TMPRSS15: variants seen among roughly 807,000 people sequenced by gnomAD.
The protein encoded by TMPRSS15 is enteropeptidase.
In TMPRSS15, 128 loss-of-function variants were observed where a neutral mutation model predicts 125.3. The observed-to-expected ratio is 1.02, with a 90% CI of 0.89 to 1.18. The LOEUF is 1.18. Ranked by LOEUF, TMPRSS15 falls within the 50% of genes most tolerant of loss-of-function variation. TMPRSS15 has a pLI of 0.00. For missense variants in TMPRSS15, 1,283 were observed against 1,212.7 expected (o/e 1.06, Z -0.86); for synonymous variants, 446 against 423.2 (o/e 1.05, Z -0.66).
intron 8 of TMPRSS15, among the ~76,000 whole-genome samples, chr21:18,354,597 G>A (rs1351714575): frequency 6.6e-6 from 1 of 151,412 alleles, no homozygotes; most frequent in East Asian, 1.9e-4. Flanking sequence ...TGGTTTTGAG[G>A]GAGAAAAACA....
intron 3 of TMPRSS15, 62 bp downstream of exon 3, chr21:18,397,817 A>G: frequency 1.0e-6 from 1 of 956,426 alleles, no homozygotes; most frequent in South Asian, 1.6e-5. Context: ...ATGCTATTTT[A>G]CAAATATTAG....
chr21:18,405,730 G>T (rs763635760), upstream of TMPRSS15, among the ~76,000 whole-genome samples: 12 of 151,990 alleles, frequency 7.9e-5, no homozygotes, highest in Non-Finnish European at 1.6e-4. Context: ...ATCTCACACC[G>T]TGAAGAGACA....
At chr21:18,361,947 T>C (rs996250195) in intron 7 of TMPRSS15, among the ~76,000 whole-genome samples, 7 of 151,904 alleles carry the variant, frequency 4.6e-5, no homozygotes, top group African/African-American at 1.5e-4. Context: ...GATTCAGCAG[T>C]TCCAGAGTGT....
intron 1 of TMPRSS15, among the ~76,000 whole-genome samples, chr21:18,462,784 A>T (rs1423000982): frequency 3.3e-5 from 5 of 152,092 alleles, no homozygotes. Flanking sequence ...TGAAGGAAAA[A>T]AAAATTTTAA....
At chr21:18,271,940 G>GGT (rs2074561883) in intron 24 of TMPRSS15, among the ~76,000 whole-genome samples, 2 of 152,042 alleles carry the variant, frequency 1.3e-5, no homozygotes, top group East Asian at 1.9e-4. Flanking sequence ...AGTATCCCAT[G>GGT]GTGTATATGT....
intron 21 of TMPRSS15, among the ~76,000 whole-genome samples, chr21:18,290,987 T>G (rs2146891657): frequency 6.6e-6 from 1 of 152,332 alleles, no homozygotes; most frequent in Admixed American, 6.5e-5. Flanking sequence ...TATAAAAATT[T>G]CATAAAATAA....
chr21:18,474,932 C>T (rs965894122), intron 1 of TMPRSS15, among the ~76,000 whole-genome samples: 1 of 152,132 alleles, frequency 6.6e-6, no homozygotes, highest in Non-Finnish European at 1.5e-5. Context: ...ATTTATCAGC[C>T]TCCCCACAGA....
At chr21:18,327,735 G>A (rs2146963495) in intron 15 of TMPRSS15, among the ~76,000 whole-genome samples, 1 of 135,224 alleles carries the variant, frequency 7.4e-6, no homozygotes, top group Non-Finnish European at 1.6e-5. Flanking sequence ...CACTTTTTTT[G>A]TGTGTGGGAG....
intron 1 of TMPRSS15, among the ~76,000 whole-genome samples, chr21:18,454,380 G>T (rs1294549963): frequency 2.0e-5 from 3 of 152,066 alleles, no homozygotes; most frequent in Admixed American, 1.3e-4. Context: ...ATGTGTATTA[G>T]TTAGGGTTCT....
chr21:18,309,050 C>T (rs545723990), intron 18 of TMPRSS15, among the ~76,000 whole-genome samples: 202 of 152,276 alleles, frequency 1.3e-3, no homozygotes, highest in African/African-American at 4.8e-3. Flanking sequence ...CTGCAATAAA[C>T]ATACGTGTGC....
intron 3 of TMPRSS15, among the ~76,000 whole-genome samples, chr21:18,391,508 G>A (rs1054322744): frequency 3.9e-5 from 6 of 152,210 alleles, no homozygotes; most frequent in African/African-American, 7.2e-5. Context: ...TCACATCCAC[G>A]GCATGCTAAT....
chr21:18,452,454 A>G (rs1259694029), intron 1 of TMPRSS15, among the ~76,000 whole-genome samples: 3 of 152,122 alleles, frequency 2.0e-5, no homozygotes, highest in African/African-American at 7.2e-5. Flanking sequence ...TATTCAGCCC[A>G]ACAGCTCTAG....
chr21:18,450,485 C>A (rs888733948), intron 1 of TMPRSS15, among the ~76,000 whole-genome samples: 1 of 152,080 alleles, frequency 6.6e-6, no homozygotes, highest in African/African-American at 2.4e-5. Flanking sequence ...TTATACCATC[C>A]CTTGACAATG....
intron 1 of TMPRSS15, among the ~76,000 whole-genome samples, chr21:18,434,629 G>A (rs919928439): frequency 1.3e-5 from 2 of 151,940 alleles, no homozygotes; most frequent in African/African-American, 4.8e-5. Flanking sequence ...GAACATAACT[G>A]CTTTGTAAGC....
chr21:18,394,591 C>T lies in TMPRSS15; in HGVS notation c.344+3288G>A, dbSNP rs1381414376. Among the ~76,000 whole-genome samples, 3 of 151,936 alleles carry T rather than the reference C, an allele frequency of 2.0e-5. No individual in the cohort carries two copies. The East Asian group carries it at 5.8e-4, about 29-fold the overall frequency. ...TCTCTCACATACACACAAACACACA[C>T]TTACTTTTGATACTTTTGATGTATC... On this transcript the variant is annotated intron_variant, in intron 3 of 24. Coordinates refer to ENST00000284885, the MANE Select transcript of TMPRSS15 (RefSeq NM_002772.3).
chr21:18,293,593 T>C (rs963412406), intron 21 of TMPRSS15, among the ~76,000 whole-genome samples: 1 of 152,176 alleles, frequency 6.6e-6, no homozygotes, highest in African/African-American at 2.4e-5. Flanking sequence ...GGGTCCAGGA[T>C]CATTTAGCTT....
intron 1 of TMPRSS15, among the ~76,000 whole-genome samples, chr21:18,468,077 G>T (rs1283071765): frequency 6.6e-6 from 1 of 152,126 alleles, no homozygotes; most frequent in Non-Finnish European, 1.5e-5. Context: ...AGGATATATA[G>T]TTGGTTATTT....
intron 16 of TMPRSS15, 81 bp from the exon 17 acceptor site, chr21:18,315,337 C>T: frequency 1.7e-6 from 2 of 1,199,776 alleles, no homozygotes; most frequent in Non-Finnish European, 2.4e-6. Flanking sequence ...ATTTGCTCCC[C>T]TTTAAACATG....
chr21:18,321,423 G>A (rs2075234628), intron 16 of TMPRSS15, among the ~76,000 whole-genome samples: 1 of 138,472 alleles, frequency 7.2e-6, no homozygotes, highest in African/African-American at 2.8e-5. Flanking sequence ...CGCGATCTCG[G>A]CTCACCGCAA....
Sources: allele counts gnomAD v4.1 joint callset (sites outside exome capture counted in the v4.1 genomes callset), GRCh38; gene constraint gnomAD v4.1.1; transcripts MANE v1.5; gene names NCBI Gene and HGNC (gene_info 2026-07-23, HGNC 2026-07-21).